The following KCND2 variants were observed in gnomAD, a reference collection of about 807,000 sequenced individuals.
KCND2 encodes the protein A-type voltage-gated potassium channel KCND2.
In KCND2, 16 loss-of-function variants were observed where a neutral mutation model predicts 54.4. That is an observed-to-expected ratio of 0.29 (90% CI 0.20 to 0.45). KCND2 has a LOEUF of 0.45. Ranked by LOEUF, KCND2 falls within the 20% of genes least tolerant of loss-of-function variation. The pLI, the probability that KCND2 is intolerant of heterozygous loss-of-function variation, is 1.00. For missense variants in KCND2, 486 were observed against 824.2 expected, an observed-to-expected ratio of 0.59 and a Z score of 5.02; for synonymous variants, 317 against 310.7, an observed-to-expected ratio of 1.02 and a Z score of -0.21.
chr7:120,516,815 CT>C (rs1162601578), intron 1 of KCND2, among the ~76,000 whole-genome samples: 1 of 151,988 alleles, frequency 6.6e-6, no homozygotes, highest in Non-Finnish European at 1.5e-5. Flanking sequence ...TACTTCTGAG[CT>C]TTTTAATAGA....
intron 1 of KCND2, among the ~76,000 whole-genome samples, chr7:120,581,612 G>C (rs931719816): frequency 6.6e-6 from 1 of 152,184 alleles, no homozygotes; most frequent in Non-Finnish European, 1.5e-5. Flanking sequence ...TTTCTTTACA[G>C]ATGAAAAATG....
intron 1 of KCND2, among the ~76,000 whole-genome samples, chr7:120,636,894 A>T (rs1793311514): frequency 6.6e-6 from 1 of 152,140 alleles, no homozygotes. Context: ...ACCCTCTGAC[A>T]AATGGACAGA....
At chr7:120,669,556 A>G (rs1791966724) in intron 1 of KCND2, among the ~76,000 whole-genome samples, 2 of 152,148 alleles carry the variant, frequency 1.3e-5, no homozygotes, top group Non-Finnish European at 2.9e-5. Context: ...AGACACAAAA[A>G]GATAACCCAC....
intron 1 of KCND2, among the ~76,000 whole-genome samples, chr7:120,301,497 GT>G (rs906656779): frequency 4.7e-5 from 7 of 150,216 alleles, no homozygotes; most frequent in Non-Finnish European, 7.4e-5. Flanking sequence ...GGTTTGCAGG[GT>G]TTTTTTTTCA....
In KCND2 at chr7:120,714,247, T is replaced by C. The variant is rs1792575679; in HGVS notation, c.1116-18656T>C. Among the ~76,000 whole-genome samples, 5 of 152,086 alleles carry C rather than the reference T, an allele frequency of 3.3e-5. No homozygotes were observed. In the South Asian group the frequency reaches 1.0e-3, roughly 32 times the overall value. ...GAATGCTACTAAGATGTTCAATCATTGGAAATTTTAATTTCCCAGCTAAAG... is the reference window on the plus strand; with the variant it reads ...GAATGCTACTAAGATGTTCAATCATCGGAAATTTTAATTTCCCAGCTAAAG... On this transcript the variant is annotated intron_variant, in intron 1 of 5. Coordinates refer to ENST00000331113, the MANE Select transcript of KCND2 (RefSeq NM_012281.3).
At chr7:120,557,333 T>C (rs1488320587) in intron 1 of KCND2, among the ~76,000 whole-genome samples, 3 of 152,176 alleles carry the variant, frequency 2.0e-5, no homozygotes, top group African/African-American at 7.2e-5. Flanking sequence ...TACAAGAGAT[T>C]ATTTTTAAGT....
intron 1 of KCND2, among the ~76,000 whole-genome samples, chr7:120,723,172 G>A (rs1792690267): frequency 6.6e-6 from 1 of 152,118 alleles, no homozygotes; most frequent in African/African-American, 2.4e-5. Flanking sequence ...CTCTTGGGAC[G>A]GAAAACCAAA....
intron 1 of KCND2, among the ~76,000 whole-genome samples, chr7:120,363,749 T>C (rs753819590): frequency 6.6e-5 from 10 of 152,078 alleles, no homozygotes; most frequent in African/African-American, 1.2e-4. Flanking sequence ...TCAAACTCTT[T>C]ACAGTAGTCA....
rs5886998 is a variant in KCND2 at position 120,641,754 on chromosome 7, C to CTTTTTT, written c.1116-91138_1116-91133dup. ...TTATTAAAACTTTTCCAAGCATATT[C>CTTTTTT]TTTTTTTTTTTTTTTTGCACATTTG... is the stretch of plus-strand genomic sequence containing the variant. On this transcript the variant is annotated intron_variant, in intron 1 of 5. Transcript: ENST00000331113. 6.2e-3 allele frequency among the ~76,000 whole-genome samples: 799 copies of CTTTTTT among 129,852 alleles called. 15 individuals are homozygous for CTTTTTT. The highest frequency in any genetic ancestry group is 0.018 in the African/African-American group (621 of 34,210). The allele number at this position is 129,852 out of a possible 152,430, so 85.2% of individuals were successfully genotyped here. A position where few individuals can be genotyped will look rare whatever the true frequency, so the allele number is the denominator to read the frequency against.
At chr7:120,714,501 TG>T (rs951327280) in intron 1 of KCND2, among the ~76,000 whole-genome samples, 1 of 152,132 alleles carries the variant, frequency 6.6e-6, no homozygotes, top group African/African-American at 2.4e-5. Flanking sequence ...AACAAATCTT[TG>T]CACTTTTTTC....
chr7:120,412,231 T>G (rs2116110670), intron 1 of KCND2, among the ~76,000 whole-genome samples: 2 of 152,120 alleles, frequency 1.3e-5, no homozygotes, highest in South Asian at 2.1e-4. Flanking sequence ...AAATGCAAAA[T>G]AAATTCAGAG....
At chr7:120,557,453 A>G (rs1336377469) in intron 1 of KCND2, among the ~76,000 whole-genome samples, 1 of 152,162 alleles carries the variant, frequency 6.6e-6, no homozygotes, top group Non-Finnish European at 1.5e-5. Flanking sequence ...AAATGATGGT[A>G]TAAAACAATT....
intron 1 of KCND2, among the ~76,000 whole-genome samples, chr7:120,370,213 G>T (rs553962230): frequency 1.3e-5 from 2 of 152,084 alleles, no homozygotes; most frequent in South Asian, 4.1e-4. Context: ...AGGACAAACT[G>T]AGCAGGGAGA....
intron 1 of KCND2, among the ~76,000 whole-genome samples, chr7:120,449,987 C>T (rs1802077350): frequency 6.6e-6 from 1 of 152,194 alleles, no homozygotes; most frequent in Non-Finnish European, 1.5e-5. Flanking sequence ...TCTGAAGATT[C>T]TATTTAAGAC....
chr7:120,528,844 A>G (rs185311122), intron 1 of KCND2, among the ~76,000 whole-genome samples: 19 of 152,326 alleles, frequency 1.2e-4, no homozygotes, highest in Non-Finnish European at 2.2e-4. Context: ...TATGATTTAT[A>G]TAAGAGAATA....
intron 1 of KCND2, among the ~76,000 whole-genome samples, chr7:120,308,176 GA>G (rs944388169): frequency 6.6e-6 from 1 of 151,690 alleles, no homozygotes; most frequent in Non-Finnish European, 1.5e-5. Flanking sequence ...GGGAGAGAGA[GA>G]AAAAAAATCT....
intron 1 of KCND2, among the ~76,000 whole-genome samples, chr7:120,518,832 G>T (rs542605971): frequency 6.6e-6 from 1 of 152,110 alleles, no homozygotes; most frequent in South Asian, 2.1e-4. Flanking sequence ...CTTTGCCGAC[G>T]TGAAAAAGAT....
intron 1 of KCND2, among the ~76,000 whole-genome samples, chr7:120,351,954 GGCAT>G (rs751413579): frequency 1.9e-4 from 29 of 151,892 alleles, no homozygotes; most frequent in Admixed American, 3.9e-4. Context: ...TGGGACTGCG[GGCAT>G]GCACCACCAC....
At chr7:120,400,340 A>G (rs747081026) in intron 1 of KCND2, among the ~76,000 whole-genome samples, 2 of 152,198 alleles carry the variant, frequency 1.3e-5, no homozygotes, top group African/African-American at 2.4e-5. Flanking sequence ...TTCACTATAA[A>G]CTAAACAGCA....
Sources: gnomAD v4.1 joint callset for allele counts (sites outside exome capture counted in the v4.1 genomes callset) on GRCh38, gnomAD v4.1.1 for gene constraint, MANE v1.5 for transcripts, NCBI Gene and HGNC (gene_info 2026-07-23, HGNC 2026-07-21) for gene names.